LARGE1: variants seen among roughly 807,000 people sequenced by gnomAD.
LARGE1 encodes LARGE xylosyl- and glucuronyltransferase 1.
A neutral mutation model predicts 87.6 loss-of-function variants in LARGE1; 43 were observed. The observed-to-expected ratio is 0.49, with a 90% CI of 0.38 to 0.63. The LOEUF (loss-of-function observed/expected upper bound fraction) is 0.63, where lower values mean the gene tolerates loss of function less well. Among genes scored for constraint, LARGE1 ranks in the 30% least tolerant of loss-of-function variants. The probability of loss-of-function intolerance (pLI) is 0.00; values close to 1 mark genes in which losing one functional copy is unlikely to be tolerated. For missense variants in LARGE1, 802 were observed against 1,000.2 expected (o/e 0.80, Z 2.67); for synonymous variants, 434 against 394.6 (o/e 1.10, Z -1.18).
intron 1 of LARGE1, among the ~76,000 whole-genome samples, chr22:33,768,110 C>A (rs1371108129): frequency 6.6e-6 from 1 of 152,118 alleles, no homozygotes; most frequent in Non-Finnish European, 1.5e-5. Context: ...GAGATTGAGA[C>A]CATCCTGGCT....
At chr22:33,368,509 G>A (rs534785439) in intron 9 of LARGE1, among the ~76,000 whole-genome samples, 2 of 148,498 alleles carry the variant, frequency 1.3e-5, no homozygotes, top group Admixed American at 1.4e-4. Context: ...ACCACAGCCT[G>A]GGCAACAGAG....
chr22:33,445,847 A>G (rs2067665456), intron 6 of LARGE1, among the ~76,000 whole-genome samples: 1 of 151,572 alleles, frequency 6.6e-6, no homozygotes, highest in Non-Finnish European at 1.5e-5. Context: ...ATGGACTTTC[A>G]CCATATTGGC....
chr22:33,829,837 G>A (rs926687784), intron 1 of LARGE1, among the ~76,000 whole-genome samples: 1 of 152,122 alleles, frequency 6.6e-6, no homozygotes, highest in Admixed American at 6.5e-5. Flanking sequence ...AGGTCCTCAG[G>A]AGGCAGCCCG....
chr22:33,672,151 A>G lies in LARGE1; in HGVS notation c.107-21483T>C, dbSNP rs7285544. Among the ~76,000 whole-genome samples, 842 of 152,244 alleles carry G rather than the reference A, an allele frequency of 5.5e-3. 11 individuals are homozygous for G. The highest frequency in any genetic ancestry group is 0.019 in the African/African-American group (799 of 41,536). Reference sequence around the variant, plus strand: ...TAGAAAGAAGAAGACCTACGAAGAGAGATGTTATAAAGCCTGTCCCAGATA... The same window carrying G: ...TAGAAAGAAGAAGACCTACGAAGAGGGATGTTATAAAGCCTGTCCCAGATA... On this transcript the variant is annotated intron_variant, in intron 2 of 14. Coordinates refer to ENST00000397394, the MANE Select transcript of LARGE1 (RefSeq NM_133642.5).
At chr22:33,800,601 T>C (rs1318095281) in intron 1 of LARGE1, among the ~76,000 whole-genome samples, 3 of 152,208 alleles carry the variant, frequency 2.0e-5, no homozygotes, top group Non-Finnish European at 4.4e-5. Flanking sequence ...TCCTATGCTC[T>C]ATAATTCTGT....
chr22:33,904,671 C>T (rs1402083423), intron 1 of LARGE1, among the ~76,000 whole-genome samples: 2 of 152,074 alleles, frequency 1.3e-5, no homozygotes, highest in Non-Finnish European at 2.9e-5. Flanking sequence ...ACGCTGCCCT[C>T]GGGTCTTCAG....
At chr22:33,468,514 A>T (rs917936461) in intron 6 of LARGE1, among the ~76,000 whole-genome samples, 3 of 152,226 alleles carry the variant, frequency 2.0e-5, no homozygotes, top group Non-Finnish European at 2.9e-5. Context: ...CACATTCTGG[A>T]GTCTCAAATC....
intron 2 of LARGE1, among the ~76,000 whole-genome samples, chr22:33,692,986 G>A (rs1190988969): frequency 6.6e-6 from 1 of 152,086 alleles, no homozygotes; most frequent in Non-Finnish European, 1.5e-5. Flanking sequence ...GCAAAGACAT[G>A]GGACCAACCT....
chr22:33,331,626 T>C (rs1224303437), intron 10 of LARGE1, among the ~76,000 whole-genome samples: 2 of 152,154 alleles, frequency 1.3e-5, no homozygotes, highest in African/African-American at 2.4e-5. Flanking sequence ...CAGGCTGGTC[T>C]TGAACTCCTG....
intron 2 of LARGE1, among the ~76,000 whole-genome samples, chr22:33,742,530 G>GA (rs1239185438): frequency 6.6e-6 from 1 of 152,212 alleles, no homozygotes; most frequent in Non-Finnish European, 1.5e-5. Context: ...CTGAGGTTCA[G>GA]AAAGGTCAGG....
At chr22:33,890,698 T>G (rs1291482899) in intron 1 of LARGE1, among the ~76,000 whole-genome samples, 1 of 150,902 alleles carries the variant, frequency 6.6e-6, no homozygotes, top group Non-Finnish European at 1.5e-5. Context: ...AATTCTCAGA[T>G]CTATTCAAAA....
chr22:33,571,163 A>G (rs1197511022), intron 5 of LARGE1, among the ~76,000 whole-genome samples: 1 of 152,260 alleles, frequency 6.6e-6, no homozygotes, highest in African/African-American at 2.4e-5. Context: ...AAATGCAGTC[A>G]TGCCCAAGAT....
chr22:33,217,548 C>T (rs1925266578), intron 11 of LARGE1, among the ~76,000 whole-genome samples: 1 of 152,094 alleles, frequency 6.6e-6, no homozygotes, highest in Non-Finnish European at 1.5e-5. Flanking sequence ...TAAATATTCA[C>T]TATATTATTA....
chr22:33,068,552 G>A, the LARGE1 span, among the ~76,000 whole-genome samples: 1 of 152,180 alleles, frequency 6.6e-6, no homozygotes, highest in Non-Finnish European at 1.5e-5. Flanking sequence ...GGCTGAGGCA[G>A]GAGAATGGCG....
chr22:33,152,342 T>C, the LARGE1 span, among the ~76,000 whole-genome samples: 2 of 152,232 alleles, frequency 1.3e-5, no homozygotes, highest in Non-Finnish European at 2.9e-5. Flanking sequence ...ACCTCTTCTC[T>C]GGCACAGGCA....
At chr22:33,166,771 A>G (rs2146125876) in exon 12 of LARGE1, 1 of 471,520 alleles carries the variant, frequency 2.1e-6, no homozygotes, top group African/African-American at 2.0e-5. Context: ...AATTATAGGC[A>G]TGTGTTTGGA....
At chr22:33,861,892 C>A (rs2063936627) in intron 1 of LARGE1, among the ~76,000 whole-genome samples, 1 of 121,952 alleles carries the variant, frequency 8.2e-6, no homozygotes, top group African/African-American at 3.4e-5. Context: ...GAGACAAGGT[C>A]TCACTCTGTC....
Position 33,837,247 on chromosome 22 carries a change from G to C in LARGE1, c.-82-75689C>G, listed in dbSNP as rs145444205. On this transcript the variant is annotated intron_variant, in intron 1 of 14. Transcript: ENST00000397394. ...CATATATATATATATGGAGTAGAGA[G>C]TATTACATATACACACACACACACA... Among the ~76,000 whole-genome samples, 873 of 113,562 alleles carry C rather than the reference G, an allele frequency of 7.7e-3. 10 individuals carry two copies. The highest frequency in any genetic ancestry group is 0.028 in the African/African-American group (840 of 30,112). The allele number at this position is 113,562 out of a possible 152,430, so 74.5% of individuals were successfully genotyped here. A position where few individuals can be genotyped will look rare whatever the true frequency, so the allele number is the denominator to read the frequency against.
At chr22:33,484,602 C>G (rs2069484774) in intron 6 of LARGE1, among the ~76,000 whole-genome samples, 1 of 152,188 alleles carries the variant, frequency 6.6e-6, no homozygotes, top group Non-Finnish European at 1.5e-5. Context: ...GACAGAGGTG[C>G]TTCCACGACA....
Sources: gnomAD v4.1 joint callset for allele counts (sites outside exome capture counted in the v4.1 genomes callset) on GRCh38, gnomAD v4.1.1 for gene constraint, MANE v1.5 for transcripts, NCBI Gene and HGNC (gene_info 2026-07-23, HGNC 2026-07-21) for gene names.